Variants in CACNB4 observed in about 807,000 individuals in gnomAD.
CACNB4 encodes the protein voltage-dependent L-type calcium channel subunit beta-4.
CACNB4 carries 32 observed loss-of-function variants against 71.2 expected under a neutral mutation model. The observed-to-expected ratio is 0.45, with a 90% confidence interval of 0.34 to 0.60. The LOEUF is 0.60. Ranked by LOEUF, CACNB4 falls within the 20% of genes least tolerant of loss-of-function variation. The pLI, the probability that CACNB4 is intolerant of heterozygous loss-of-function variation, is 0.01. For synonymous variants in CACNB4, 231 were observed against 236.9 expected, an observed-to-expected ratio of 0.97 and a Z score of 0.23; for missense variants, 464 against 647.9, an observed-to-expected ratio of 0.72 and a Z score of 3.08.
At position 152,098,888 on chromosome 2, in the gene CACNB4, G is replaced by C. The variant is rs919991934; in HGVS notation, c.63+61C>G. ...GCACGAAGGCGGGGCGCGCTAGGGCGGCGGAGGAGGTGTGAGGAAGGAAGA... is the reference window on the plus strand; with the variant it reads ...GCACGAAGGCGGGGCGCGCTAGGGCCGCGGAGGAGGTGTGAGGAAGGAAGA... On this transcript the variant is annotated intron_variant, in intron 1 of 13. Coordinates refer to ENST00000539935, the MANE Select transcript of CACNB4 (RefSeq NM_000726.5). This position sits in a 1 kb window ranked among gnomAD's most constrained non-coding sequence, Gnocchi z 5.3. The C allele has an allele frequency of 3.2e-6, 4 of 1,261,768 alleles. No homozygotes were observed. The African/African-American group carries it at 6.1e-5, about 19-fold the overall frequency. 78.2% of individuals were successfully genotyped at this position (1,261,768 alleles called of 1,614,324 possible).
Position 152,098,478 on chromosome 2 carries a change from A to T in CACNB4, c.64-65T>A. ...GACCGCAGCGCAGAGCGGGGCGACC[A>T]CCCCCGGCTGGAGTCCGCCTCCGGA... is the stretch of plus-strand genomic sequence containing the variant. On this transcript the variant is annotated intron_variant, in intron 1 of 13. Coordinates refer to ENST00000539935, the MANE Select transcript of CACNB4 (RefSeq NM_000726.5). The surrounding 1 kb of genome is among the most constrained non-coding windows in gnomAD (Gnocchi z 5.3). The T allele has an allele frequency of 6.8e-7, 1 of 1,475,274 alleles. No individual in the cohort carries two copies. The highest frequency in any genetic ancestry group is 9.5e-7 in the Non-Finnish European group (1 of 1,055,870). 91.4% of individuals were successfully genotyped at this position (1,475,274 alleles called of 1,614,324 possible).
At chr2:152,026,911 T>TC (rs1684008709) in intron 2 of CACNB4, among the ~76,000 whole-genome samples, 1 of 52,188 alleles carries the variant, frequency 1.9e-5, no homozygotes, top group African/African-American at 6.9e-5. Flanking sequence ...CAATTATCTT[T>TC]CTTTTTTTTT....
chr2:151,972,882 A>G (rs1332135999), intron 2 of CACNB4: 1 of 152,274 alleles, frequency 6.6e-6, no homozygotes, highest in Non-Finnish European at 1.5e-5. Flanking sequence ...GTTTCTGTGT[A>G]TTGATGAAAA....
intron 2 of CACNB4, among the ~76,000 whole-genome samples, chr2:151,974,747 T>C (rs1220125466): frequency 4.0e-5 from 6 of 149,012 alleles, no homozygotes. Flanking sequence ...TCAGGTGACC[T>C]AGGACAGGTC....
rs539771261 is a variant in CACNB4 at position 151,896,750 on chromosome 2, A to T, written c.148-13380T>A. 6.6e-5 allele frequency among the ~76,000 whole-genome samples: 10 copies of T among 152,322 alleles called. No individual in the cohort carries two copies. The East Asian group carries it at 1.9e-3, about 29-fold the overall frequency. ...GGTCATTATGGCAGAGGAAAAGGTT[A>T]TTTTTAGTTTAACCTTTGGAACTAG... On this transcript the variant is annotated intron_variant, in intron 2 of 13. Transcript: ENST00000539935.
At chr2:151,948,775 G>T (rs1232992490) in intron 2 of CACNB4, among the ~76,000 whole-genome samples, 1 of 152,186 alleles carries the variant, frequency 6.6e-6, no homozygotes, top group Non-Finnish European at 1.5e-5. Context: ...CCTGGCCACA[G>T]TACAGAGTGT....
chr2:151,953,995 A>C (rs2099867571), intron 2 of CACNB4, among the ~76,000 whole-genome samples: 1 of 152,256 alleles, frequency 6.6e-6, no homozygotes, highest in Non-Finnish European at 1.5e-5. Flanking sequence ...ATGTCAACAT[A>C]TCTTCACAGT....
chr2:151,906,279 A>G (rs566348660), intron 2 of CACNB4, among the ~76,000 whole-genome samples: 1 of 152,328 alleles, frequency 6.6e-6, no homozygotes, highest in Non-Finnish European at 1.5e-5. Context: ...GTTTCATCAC[A>G]TGAGTTTTCA....
chr2:152,097,764 A>G (rs546494187), intron 2 of CACNB4, among the ~76,000 whole-genome samples: 9 of 152,226 alleles, frequency 5.9e-5, no homozygotes, highest in Non-Finnish European at 2.9e-5. Context: ...CTATTTAACC[A>G]GATACAGCTG....
chr2:152,098,300 C>G lies in CACNB4; in HGVS notation c.147+30G>C. The G allele has an allele frequency of 6.3e-7, 1 of 1,578,246 alleles. No homozygotes were observed. The highest frequency in any genetic ancestry group is 8.7e-7 in the Non-Finnish European group (1 of 1,147,458). On this transcript the variant is annotated intron_variant, in intron 2 of 13. Coordinates refer to ENST00000539935, the MANE Select transcript of CACNB4 (RefSeq NM_000726.5). The surrounding 1 kb of genome is among the most constrained non-coding windows in gnomAD (Gnocchi z 5.3). ...CCGCGCCGCGCGCTCGGCCTCCTCCCCATCCTGGTCTCCCGCCTCCTTCTC... is the reference window on the plus strand; with the variant it reads ...CCGCGCCGCGCGCTCGGCCTCCTCCGCATCCTGGTCTCCCGCCTCCTTCTC...
rs185011807 is a variant in CACNB4, at chr2:151,889,756, C to A, written c.148-6386G>T. Among the ~76,000 whole-genome samples, 13 of 152,258 alleles carry A rather than the reference C, an allele frequency of 8.5e-5. 1 individual carries two copies. The highest frequency in any genetic ancestry group is 6.5e-4 in the Admixed American group (10 of 15,290). On this transcript the variant is annotated intron_variant, in intron 2 of 13. Coordinates refer to ENST00000539935, the MANE Select transcript of CACNB4 (RefSeq NM_000726.5). ...TGCAAATGTGCTTCCTTTTCCTTCA[C>A]CCCCTTTATCAAACATGCCCAGAAC... is the stretch of plus-strand genomic sequence containing the variant.
intron 2 of CACNB4, among the ~76,000 whole-genome samples, chr2:151,895,560 C>T (rs1482732546): frequency 6.6e-6 from 1 of 151,980 alleles, no homozygotes; most frequent in Non-Finnish European, 1.5e-5. Flanking sequence ...TTTAAGTTCA[C>T]TTTAAACCCT....
intron 2 of CACNB4, among the ~76,000 whole-genome samples, chr2:152,037,970 A>T (rs1354603430): frequency 6.6e-6 from 1 of 152,178 alleles, no homozygotes; most frequent in Non-Finnish European, 1.5e-5. Context: ...TGCAGAAGGG[A>T]ACCACCCCCA....
intron 13 of CACNB4, among the ~76,000 whole-genome samples, chr2:151,839,713 G>A (rs923789745): frequency 2.0e-5 from 3 of 152,102 alleles, no homozygotes; most frequent in Non-Finnish European, 4.4e-5. Context: ...TTGCAAAAAT[G>A]AAAATTATTT....
intron 13 of CACNB4, among the ~76,000 whole-genome samples, chr2:151,840,791 CATT>C (rs1352857446): frequency 3.3e-5 from 5 of 152,172 alleles, no homozygotes; most frequent in African/African-American, 1.2e-4. Flanking sequence ...TTAAGACTAT[CATT>C]ATAATCCATT....
At chr2:152,032,803 A>T (rs1033995610) in intron 2 of CACNB4, among the ~76,000 whole-genome samples, 3 of 152,104 alleles carry the variant, frequency 2.0e-5, no homozygotes, top group Admixed American at 2.0e-4. Context: ...AAAACAAAAA[A>T]ATTAGCTGGG....
intron 2 of CACNB4, among the ~76,000 whole-genome samples, chr2:152,082,408 A>G (rs1687406695): frequency 6.6e-6 from 1 of 152,234 alleles, no homozygotes; most frequent in South Asian, 2.1e-4. Flanking sequence ...AAATACAGTC[A>G]TTCCTCAGAA....
intron 2 of CACNB4, among the ~76,000 whole-genome samples, chr2:151,978,660 C>G (rs2099874203): frequency 6.6e-6 from 1 of 152,214 alleles, no homozygotes. Flanking sequence ...GCTCCACAAG[C>G]AAGCACAGGG....
chr2:151,912,278 T>C (rs1047929788), intron 2 of CACNB4, among the ~76,000 whole-genome samples: 1 of 152,242 alleles, frequency 6.6e-6, no homozygotes, highest in African/African-American at 2.4e-5. Flanking sequence ...ATGTGAGATC[T>C]TTCTAGCTTT....
Sources: gnomAD v4.1 joint callset for allele counts (sites outside exome capture counted in the v4.1 genomes callset) on GRCh38, gnomAD v4.1.1 for gene constraint, Gnocchi (gnomAD v3.1) non-coding constraint, MANE v1.5 for transcripts, NCBI Gene and HGNC (gene_info 2026-07-23, HGNC 2026-07-21) for gene names.